The following CD109 variants were observed in gnomAD, a reference collection of about 807,000 sequenced individuals.
CD109 encodes CD109 antigen.
In CD109, 149 loss-of-function variants were observed where a neutral mutation model predicts 165.8. That is an observed-to-expected ratio of 0.90 (90% CI 0.79 to 1.03). The LOEUF (loss-of-function observed/expected upper bound fraction) is 1.03, where lower values mean the gene tolerates loss of function less well. Among genes scored for constraint, CD109 ranks in the 50% least tolerant of loss-of-function variants. The probability of loss-of-function intolerance (pLI) is 0.00; values close to 1 mark genes in which losing one functional copy is unlikely to be tolerated. For synonymous variants in CD109, 585 were observed against 592.1 expected, an observed-to-expected ratio of 0.99 and a Z score of 0.18; for missense variants, 1,712 against 1,677.8, an observed-to-expected ratio of 1.02 and a Z score of -0.36.
At chr6:73,738,051 G>C (rs1217209430) in intron 5 of CD109, among the ~76,000 whole-genome samples, 1 of 152,052 alleles carries the variant, frequency 6.6e-6, no homozygotes, top group Non-Finnish European at 1.5e-5. Context: ...CATTTTCAAA[G>C]GTCATTGTCA....
At chr6:73,723,429 T>C in intron 3 of CD109, 150 bp downstream of exon 3, 1 of 658,454 alleles carries the variant, frequency 1.5e-6, no homozygotes, top group Non-Finnish European at 2.6e-6. Context: ...AGATTATTTA[T>C]GAATAATATT....
rs764184606 is a variant in CD109, at chr6:73,766,928, TA to T, written c.1435-18del. 2.3e-5 allele frequency: 37 copies of T among 1,612,252 alleles called. No individual in the cohort carries two copies. Among genetic ancestry groups the T allele is most frequent in the Non-Finnish European group, 3.4e-6 (4 of 1,178,772 alleles). The stretch of plus-strand genomic sequence containing the variant: ...TATCTTGCTTTTGATATGTACATAT[TA>T]ATTAAGGTTTTTTTCTAGGTGGGAT... On this transcript the variant is annotated intron_variant, in intron 12 of 32. Transcript: ENST00000287097.
At chr6:73,722,048 T>C (rs192209479) in intron 2 of CD109, among the ~76,000 whole-genome samples, 1 of 152,362 alleles carries the variant, frequency 6.6e-6, no homozygotes, top group East Asian at 1.9e-4. Context: ...AAAGTTTTTC[T>C]AATGTTTAAT....
intron 2 of CD109, among the ~76,000 whole-genome samples, chr6:73,699,985 A>G (rs1562017761): frequency 6.6e-6 from 1 of 152,244 alleles, no homozygotes; most frequent in Non-Finnish European, 1.5e-5. Context: ...TAGATAAACC[A>G]GGACTTCTAA....
At chr6:73,803,407 G>C in intron 24 of CD109, 106 bp downstream of exon 24, 1 of 746,302 alleles carries the variant, frequency 1.3e-6, no homozygotes, top group South Asian at 1.7e-5. Flanking sequence ...TATAGACTGG[G>C]AGGTTGCTTT....
At chr6:73,712,328 G>A (rs1288183751) in intron 2 of CD109, among the ~76,000 whole-genome samples, 1 of 152,212 alleles carries the variant, frequency 6.6e-6, no homozygotes, top group Non-Finnish European at 1.5e-5. Flanking sequence ...AAAAAATTTA[G>A]TAACTTGATA....
intron 29 of CD109, among the ~76,000 whole-genome samples, chr6:73,814,347 A>G (rs1775856383): frequency 6.6e-6 from 1 of 152,152 alleles, no homozygotes; most frequent in Non-Finnish European, 1.5e-5. Context: ...TTTTGAGTAC[A>G]TTCCTAAGCT....
chr6:73,821,964 T>A (rs1776124162), intron 32 of CD109, among the ~76,000 whole-genome samples: 1 of 152,248 alleles, frequency 6.6e-6, no homozygotes, highest in Non-Finnish European at 1.5e-5. Flanking sequence ...TGGAGTTAGC[T>A]GTTTCTTTAT....
chr6:73,797,263 T>C (rs1329243226), intron 23 of CD109, among the ~76,000 whole-genome samples: 2 of 152,232 alleles, frequency 1.3e-5, no homozygotes, highest in South Asian at 2.1e-4. Flanking sequence ...ACATGAAAAC[T>C]GTTTTTGATA....
At chr6:73,795,629 A>G (rs990033106) in intron 23 of CD109, among the ~76,000 whole-genome samples, 1 of 152,172 alleles carries the variant, frequency 6.6e-6, no homozygotes, top group African/African-American at 2.4e-5. Flanking sequence ...CGTTCTCTAA[A>G]TGCCAAGCAG....
intron 22 of CD109, 21 bp from the exon 23 acceptor site, chr6:73,792,605 C>T: frequency 6.2e-7 from 1 of 1,610,378 alleles, no homozygotes; most frequent in Middle Eastern, 1.7e-4. Flanking sequence ...ACTGAATGAA[C>T]TGCATGTCTT....
intron 9 of CD109, among the ~76,000 whole-genome samples, 175 bp from the exon 10 acceptor site, chr6:73,763,401 A>G (rs1347022396): frequency 4.6e-5 from 7 of 152,178 alleles, no homozygotes; most frequent in Non-Finnish European, 1.5e-5. Context: ...GGATCCATAG[A>G]GAACATAATA....
chr6:73,738,321 A>G (rs935070892), intron 5 of CD109, among the ~76,000 whole-genome samples: 5 of 152,174 alleles, frequency 3.3e-5, no homozygotes, highest in Non-Finnish European at 5.9e-5. Context: ...CTAAATAACC[A>G]TCATGCCCAG....
chr6:73,789,619 A>C (rs1037813974), intron 22 of CD109, among the ~76,000 whole-genome samples: 2 of 124,190 alleles, frequency 1.6e-5, no homozygotes, highest in Non-Finnish European at 3.4e-5. Flanking sequence ...ATGCCTGGCT[A>C]ATTTTTTTTT....
intron 3 of CD109, 145 bp downstream of exon 3, chr6:73,723,424 AT>A: frequency 1.5e-6 from 1 of 668,102 alleles, no homozygotes. Context: ...CCTTCAGATT[AT>A]TTATGAATAA....
Position 73,803,343 on chromosome 6 carries a change from G to T in CD109, c.2960+42G>T, listed in dbSNP as rs771230466. ...ACTGAACAAATCCGTGTCATGGAAT[G>T]GGCTTTCACTAGGTCACAATAGCCA... On this transcript the variant is annotated intron_variant, in intron 24 of 32. Coordinates refer to ENST00000287097, the MANE Select transcript of CD109 (RefSeq NM_133493.5). 5.5e-6 allele frequency: 8 copies of T among 1,466,694 alleles called. No individual in the cohort carries two copies. The South Asian group carries it at 9.2e-5, about 17-fold the overall frequency. The allele number at this position is 1,466,694 out of a possible 1,614,324, so 90.9% of individuals were successfully genotyped here. A position where few individuals can be genotyped will look rare whatever the true frequency, so the allele number is the denominator to read the frequency against.
intron 28 of CD109, 39 bp downstream of exon 28, chr6:73,811,186 C>T: frequency 6.3e-7 from 1 of 1,587,800 alleles, no homozygotes; most frequent in Non-Finnish European, 8.6e-7. Flanking sequence ...TCAGTGTAGA[C>T]AATTCTTTAT....
intron 2 of CD109, among the ~76,000 whole-genome samples, chr6:73,719,292 C>T (rs1461397960): frequency 6.6e-6 from 1 of 152,070 alleles, no homozygotes; most frequent in Non-Finnish European, 1.5e-5. Context: ...AAATAAGCCG[C>T]CCCCAGATTT....
At chr6:73,797,687 T>G (rs968283556) in intron 23 of CD109, among the ~76,000 whole-genome samples, 10 of 152,208 alleles carry the variant, frequency 6.6e-5, no homozygotes, top group African/African-American at 2.4e-4. Flanking sequence ...TCAAACTATG[T>G]TTAGAATGTT....
Sources: gnomAD v4.1 joint callset for allele counts (sites outside exome capture counted in the v4.1 genomes callset) on GRCh38, gnomAD v4.1.1 for gene constraint, MANE v1.5 for transcripts, NCBI Gene and HGNC (gene_info 2026-07-23, HGNC 2026-07-21) for gene names.